The following EPN1 variants were observed in gnomAD, a reference collection of about 807,000 sequenced individuals.
The protein encoded by EPN1 is epsin 1, also known as epsin-1.
A neutral mutation model predicts 56.9 loss-of-function variants in EPN1; 25 were observed. The ratio of observed to expected loss-of-function variants is 0.44; its 90% CI spans 0.32 to 0.61. The LOEUF is 0.61. Among genes scored for constraint, EPN1 ranks in the 20% least tolerant of loss-of-function variants. EPN1 has a pLI of 0.05. For missense variants in EPN1, 785 were observed against 823.7 expected, an observed-to-expected ratio of 0.95 and a Z score of 0.58; for synonymous variants, 411 against 361.8, an observed-to-expected ratio of 1.14 and a Z score of -1.54.
In EPN1 at chr19:55,689,749, C is replaced by A; in HGVS notation, c.679-118C>A. 1.1e-6 allele frequency: 1 copy of A among 932,426 alleles called. No individual in the cohort carries two copies. The highest frequency in any genetic ancestry group is 1.7e-6 in the Non-Finnish European group (1 of 593,150). 57.8% of individuals were successfully genotyped at this position (932,426 alleles called of 1,614,324 possible). On this transcript the variant is annotated intron_variant, in intron 5 of 10. Transcript: ENST00000270460. This position sits in a 1 kb window ranked among gnomAD's most constrained non-coding sequence, Gnocchi z 5.7. The stretch of plus-strand genomic sequence containing the variant: ...ATTTCATACATTGTCCGCATCCCAT[C>A]GAATCCTTCAGCCGCTTTCGTTGGG...
intron 2 of EPN1, among the ~76,000 whole-genome samples, chr19:55,684,765 A>T (rs1986051386): frequency 6.6e-6 from 1 of 152,208 alleles, no homozygotes; most frequent in Non-Finnish European, 1.5e-5. Flanking sequence ...TTGTGATTTA[A>T]CTAATGTGGT....
At position 55,707,149 on chromosome 19, in the gene EPN1, C is replaced by G. The variant is rs916087445; in HGVS notation, c.*11793C>G. ...TGAGCCGAGATTGTGCCACTGCACTCCAGCCTGGGCGAGCAACAGAGTGAG... is the reference window on the plus strand; with the variant it reads ...TGAGCCGAGATTGTGCCACTGCACTGCAGCCTGGGCGAGCAACAGAGTGAG... On this transcript the variant is annotated 3_prime_UTR_variant, in exon 11 of 11. Coordinates refer to ENST00000270460, the MANE Select transcript of EPN1 (RefSeq NM_001130072.2). 1 of 151,764 alleles carries G rather than the reference C, an allele frequency of 6.6e-6. No individual in the cohort carries two copies. Among genetic ancestry groups the G allele is most frequent in the Non-Finnish European group, 1.5e-5 (1 of 68,018 alleles). 9.4% of individuals were successfully genotyped at this position (151,764 alleles called of 1,614,324 possible). A position where few individuals can be genotyped will look rare whatever the true frequency, so the allele number is the denominator to read the frequency against.
intron 2 of EPN1, chr19:55,680,806 C>T: frequency 6.5e-6 from 1 of 152,704 alleles, no homozygotes; most frequent in South Asian, 2.1e-4. Context: ...GGCCCAGAGG[C>T]CCTGAGCCAC....
At chr19:55,679,755 C>A (rs1985686126) in intron 2 of EPN1, among the ~76,000 whole-genome samples, 1 of 152,144 alleles carries the variant, frequency 6.6e-6, no homozygotes, top group Non-Finnish European at 1.5e-5. Context: ...AGGCTCGTTT[C>A]CTGTGACTCG....
chr19:55,675,959 C>T (rs1985385063), intron 1 of EPN1, among the ~76,000 whole-genome samples: 1 of 152,180 alleles, frequency 6.6e-6, no homozygotes, highest in South Asian at 2.1e-4. Context: ...AGAATCTGCC[C>T]CTTTTCCCCA....
rs1211740046 is a variant in EPN1, at chr19:55,692,949, A to G, written c.1178-2A>G. 1 of 1,613,288 alleles carries G rather than the reference A, an allele frequency of 6.2e-7. No individual in the cohort carries two copies. The highest frequency in any genetic ancestry group is 1.3e-5 in the African/African-American group (1 of 74,920). The stretch of plus-strand genomic sequence containing the variant: ...GCTGAGCAGAACATCCTGACCCCAC[A>G]GCAGCCGGGGGATTCGACACGGAGC... On this transcript the variant is annotated splice_acceptor_variant, in intron 8 of 10. Transcript: ENST00000270460. LOFTEE classifies it high-confidence loss of function.
chr19:55,686,028 G>A (rs1259970832), intron 3 of EPN1, among the ~76,000 whole-genome samples: 1 of 152,198 alleles, frequency 6.6e-6, no homozygotes, highest in Non-Finnish European at 1.5e-5. Context: ...GGGGAACATC[G>A]GAGAGGCAGA....
rs998166826 is a variant in EPN1, at chr19:55,701,948, C to T, written c.*6592C>T. On this transcript the variant is annotated 3_prime_UTR_variant, in exon 11 of 11. Transcript: ENST00000270460. ...GCATCGAGCAGAGTCTCTAGCAGCC[C>T]CCACCCCATTCTTTTTTTTTTTTTT... 2 of 146,842 alleles carry T rather than the reference C, an allele frequency of 1.4e-5. No individual in the cohort carries two copies. Among genetic ancestry groups the T allele is most frequent in the African/African-American group, 5.4e-5 (2 of 37,186 alleles). The allele number at this position is 146,842 out of a possible 1,614,324, so 9.1% of individuals were successfully genotyped here.
At chr19:55,685,157 T>C (rs982578358) in intron 2 of EPN1, among the ~76,000 whole-genome samples, 1 of 152,272 alleles carries the variant, frequency 6.6e-6, no homozygotes, top group African/African-American at 2.4e-5. Flanking sequence ...CGTTCTGTGC[T>C]GGCGTCTGTC....
rs1986669934 is a variant in EPN1, at chr19:55,692,958, GGGATTCGACAC to G, written c.1189_1199del (p.Phe397AlafsTer6). ...AACATCCTGACCCCACAGCAGCCGG[GGGATTCGACAC>G]GGAGCCCGACGAGTTCTCTGACTTT... is the stretch of plus-strand genomic sequence containing the variant. On this transcript the variant is annotated frameshift_variant, in exon 9 of 11. Transcript: ENST00000270460. LOFTEE classifies it high-confidence loss of function. The G allele has an allele frequency of 6.2e-7, 1 of 1,613,380 alleles. No individual in the cohort carries two copies. Among genetic ancestry groups the G allele is most frequent in the African/African-American group, 1.3e-5 (1 of 74,920 alleles).
At chr19:55,684,879 C>T (rs981099730) in intron 2 of EPN1, among the ~76,000 whole-genome samples, 1 of 152,232 alleles carries the variant, frequency 6.6e-6, no homozygotes, top group Non-Finnish European at 1.5e-5. Context: ...GCTGCCATTT[C>T]CTCTTTTATT....
chr19:55,686,894 A>T (rs1304663450), intron 3 of EPN1, among the ~76,000 whole-genome samples: 1 of 149,264 alleles, frequency 6.7e-6, no homozygotes, highest in Admixed American at 6.7e-5. Context: ...CTCAGGTAAG[A>T]GGCCTGAGGG....
intron 1 of EPN1, among the ~76,000 whole-genome samples, chr19:55,676,270 T>C (rs1021845207): frequency 4.0e-5 from 6 of 151,658 alleles, no homozygotes; most frequent in African/African-American, 1.5e-4. Flanking sequence ...CAGTAAGTGT[T>C]AGATATCGGT....
chr19:55,685,783 C>T, intron 3 of EPN1, 138 bp downstream of exon 3: 2 of 1,156,560 alleles, frequency 1.7e-6, no homozygotes, highest in Admixed American at 2.3e-5. Flanking sequence ...CTCACCTGGG[C>T]CCCTTGCTCT....
At position 55,708,762 on chromosome 19, in the gene EPN1, C is replaced by A; in HGVS notation, c.*13406C>A. The A allele has an allele frequency of 1.8e-6, 1 of 556,772 alleles. No homozygotes were observed. Among genetic ancestry groups the A allele is most frequent in the Middle Eastern group, 5.0e-4 (1 of 1,992 alleles). 34.5% of individuals were successfully genotyped at this position (556,772 alleles called of 1,614,324 possible). A position where few individuals can be genotyped will look rare whatever the true frequency, so the allele number is the denominator to read the frequency against. ...TCAGCATGTACACTGAATCACACTC[C>A]ATAATCATATTGCTAGAACACTTAG... is the stretch of plus-strand genomic sequence containing the variant. On this transcript the variant is annotated 3_prime_UTR_variant, in exon 11 of 11. Transcript: ENST00000270460.
At chr19:55,686,666 C>T (rs942142737) in intron 3 of EPN1, among the ~76,000 whole-genome samples, 1 of 151,984 alleles carries the variant, frequency 6.6e-6, no homozygotes, top group Non-Finnish European at 1.5e-5. Context: ...AGAGTAGGGA[C>T]CCACGAGCCA....
intron 2 of EPN1, among the ~76,000 whole-genome samples, chr19:55,682,143 A>G (rs560548026): frequency 1.3e-5 from 2 of 152,298 alleles, no homozygotes; most frequent in East Asian, 1.9e-4. Context: ...TAAATTTTTC[A>G]TTAAGAAGTT....
rs929875191 is a variant in EPN1 at position 55,705,931 on chromosome 19, A to T, written c.*10575A>T. The T allele has an allele frequency of 1.3e-5, 2 of 152,554 alleles. No homozygotes were observed. The highest frequency in any genetic ancestry group is 4.9e-5 in the African/African-American group (2 of 41,182). The allele number at this position is 152,554 out of a possible 1,614,324, so 9.5% of individuals were successfully genotyped here. A position where few individuals can be genotyped will look rare whatever the true frequency, so the allele number is the denominator to read the frequency against. ...ATCATAGCTCACCATGGGATTCTTG[A>T]TTTTCAGTGAGTATAAAGTGTAAGA... On this transcript the variant is annotated 3_prime_UTR_variant, in exon 11 of 11. Transcript: ENST00000270460.
chr19:55,687,724 C>T (rs1223690944), intron 3 of EPN1, among the ~76,000 whole-genome samples: 2 of 152,154 alleles, frequency 1.3e-5, no homozygotes, highest in East Asian at 3.9e-4. Context: ...TCCGTCAATC[C>T]CTGCTGGTTC....
Sources: allele counts gnomAD v4.1 joint callset (sites outside exome capture counted in the v4.1 genomes callset), GRCh38; gene constraint gnomAD v4.1.1; non-coding constraint Gnocchi (gnomAD v3.1); transcripts MANE v1.5; gene names NCBI Gene and HGNC (gene_info 2026-07-23, HGNC 2026-07-21).